The following PPP3CA variants were observed in gnomAD, a reference collection of about 807,000 sequenced individuals.
PPP3CA encodes CAM-PRP catalytic subunit.
PPP3CA carries 14 observed loss-of-function variants against 66.5 expected under a neutral mutation model. That is an observed-to-expected ratio of 0.21 (90% CI 0.14 to 0.33). The LOEUF is 0.33. Ranked by LOEUF, PPP3CA falls within the 10% of genes least tolerant of loss-of-function variation. PPP3CA has a pLI of 1.00. For missense variants in PPP3CA, 317 were observed against 639.5 expected (o/e 0.50, Z 5.44); for synonymous variants, 232 against 226.2 (o/e 1.03, Z -0.23).
intron 10 of PPP3CA, among the ~76,000 whole-genome samples, chr4:101,060,395 G>T (rs1045563026): frequency 4.6e-5 from 7 of 152,066 alleles, no homozygotes; most frequent in African/African-American, 1.7e-4. Flanking sequence ...AGTAAAGTTT[G>T]CTCTTATGCT....
At chr4:101,106,458 A>AGAAAG (rs1560605216) in intron 3 of PPP3CA, among the ~76,000 whole-genome samples, 5 of 32,710 alleles carry the variant, frequency 1.5e-4, no homozygotes, top group Non-Finnish European at 2.3e-4. Flanking sequence ...AGAAAGAGAA[A>AGAAAG]AGAAAAGAAA....
intron 1 of PPP3CA, among the ~76,000 whole-genome samples, chr4:101,205,389 T>C (rs955743454): frequency 6.6e-6 from 1 of 152,140 alleles, no homozygotes; most frequent in South Asian, 2.1e-4. Context: ...CACTCAGAAA[T>C]CCTCAACTCA....
At chr4:101,114,506 T>C (rs969300089) in intron 2 of PPP3CA, among the ~76,000 whole-genome samples, 3 of 152,096 alleles carry the variant, frequency 2.0e-5, no homozygotes, top group African/African-American at 2.4e-5. Context: ...CTTGGTAATT[T>C]CCCTAAGTCG....
chr4:101,116,137 T>C (rs900934125), intron 2 of PPP3CA, among the ~76,000 whole-genome samples: 2 of 151,960 alleles, frequency 1.3e-5, no homozygotes, highest in Non-Finnish European at 2.9e-5. Context: ...AAGACTTGCA[T>C]GAAGTAGAAA....
chr4:101,200,736 T>A (rs191280836), intron 1 of PPP3CA, among the ~76,000 whole-genome samples: 6 of 152,286 alleles, frequency 3.9e-5, no homozygotes, highest in Admixed American at 3.9e-4. Flanking sequence ...TGGTGCTTTC[T>A]GGAGCAAAAC....
intron 2 of PPP3CA, among the ~76,000 whole-genome samples, chr4:101,147,427 T>C (rs1171278422): frequency 6.6e-6 from 1 of 152,076 alleles, no homozygotes; most frequent in Non-Finnish European, 1.5e-5. Context: ...GATCAAAGAA[T>C]TGAAAAGGAT....
intron 3 of PPP3CA, among the ~76,000 whole-genome samples, chr4:101,107,808 T>G (rs1323745265): frequency 1.3e-5 from 2 of 152,236 alleles, no homozygotes; most frequent in Non-Finnish European, 2.9e-5. Flanking sequence ...TGTTTTTCTA[T>G]GATTATTATG....
chr4:101,034,911 T>C (rs1256485689), intron 11 of PPP3CA, among the ~76,000 whole-genome samples: 1 of 152,142 alleles, frequency 6.6e-6, no homozygotes, highest in Non-Finnish European at 1.5e-5. Context: ...AAATATGGCT[T>C]TTGCCTCATG....
At chr4:101,153,215 T>C (rs545921020) in intron 2 of PPP3CA, among the ~76,000 whole-genome samples, 8 of 152,268 alleles carry the variant, frequency 5.3e-5, no homozygotes, top group African/African-American at 1.7e-4. Context: ...CTGACTTGTA[T>C]GTGCAGAAAC....
At chr4:101,289,970 G>C (rs1727971051) in intron 1 of PPP3CA, among the ~76,000 whole-genome samples, 1 of 151,746 alleles carries the variant, frequency 6.6e-6, no homozygotes, top group East Asian at 1.9e-4. Context: ...CATGCTGCTA[G>C]AATGGTGCAA....
intron 1 of PPP3CA, among the ~76,000 whole-genome samples, chr4:101,231,358 T>C (rs765786463): frequency 5.3e-5 from 8 of 151,858 alleles, no homozygotes; most frequent in East Asian, 3.9e-4. Flanking sequence ...AGTCAGACTA[T>C]TTATCAATGA....
At chr4:101,168,596 A>T (rs917503441) in intron 2 of PPP3CA, among the ~76,000 whole-genome samples, 1 of 152,160 alleles carries the variant, frequency 6.6e-6, no homozygotes, top group Admixed American at 6.6e-5. Context: ...AGGACCACAA[A>T]CTAAGGAAAA....
chr4:101,233,881 C>CA (rs1726042381), intron 1 of PPP3CA, among the ~76,000 whole-genome samples: 1 of 151,550 alleles, frequency 6.6e-6, no homozygotes, highest in Non-Finnish European at 1.5e-5. Flanking sequence ...GCGTCATACC[C>CA]AATAGATATT....
intron 2 of PPP3CA, among the ~76,000 whole-genome samples, chr4:101,135,493 C>T (rs1722594091): frequency 6.6e-6 from 1 of 152,118 alleles, no homozygotes; most frequent in Non-Finnish European, 1.5e-5. Flanking sequence ...CGGAGGCTAC[C>T]TGGTCTAAAA....
chr4:101,055,913 A>G (rs183138147), intron 10 of PPP3CA, among the ~76,000 whole-genome samples: 2 of 152,032 alleles, frequency 1.3e-5, no homozygotes, highest in African/African-American at 4.8e-5. Flanking sequence ...GAACAAATTA[A>G]AGCATATTAT....
At position 101,340,697 on chromosome 4, in the gene PPP3CA, T is replaced by C. The variant is rs560938585; in HGVS notation, c.58+6042A>G. ...TAAAGACTTAATTTACAAACTGAAA[T>C]CCTATTTCATTGCCTACATCAGTCC... On this transcript the variant is annotated intron_variant, in intron 1 of 13. Coordinates refer to ENST00000394854, the MANE Select transcript of PPP3CA (RefSeq NM_000944.5). Among the ~76,000 whole-genome samples the C allele has an allele frequency of 2.0e-5, 3 of 152,262 alleles. No homozygotes were observed. In the South Asian group the frequency reaches 6.2e-4, roughly 32 times the overall value.
intron 4 of PPP3CA, 115 bp downstream of exon 4, chr4:101,099,496 G>A (rs1730347426): frequency 2.0e-6 from 1 of 492,020 alleles, no homozygotes; most frequent in Non-Finnish European, 3.5e-6. Context: ...ATGAAAGAGT[G>A]TCACTTTAAG....
chr4:101,162,032 G>A (rs1219884794), intron 2 of PPP3CA, among the ~76,000 whole-genome samples: 1 of 152,164 alleles, frequency 6.6e-6, no homozygotes, highest in Non-Finnish European at 1.5e-5. Flanking sequence ...CTGAGGTCAG[G>A]AGTTCGAAAC....
chr4:101,176,732 G>C (rs1724072406), intron 2 of PPP3CA, among the ~76,000 whole-genome samples: 1 of 151,964 alleles, frequency 6.6e-6, no homozygotes, highest in African/African-American at 2.4e-5. Flanking sequence ...AAATCACAGA[G>C]AACTGTTTAT....
Sources: gnomAD v4.1 joint callset for allele counts (sites outside exome capture counted in the v4.1 genomes callset) on GRCh38, gnomAD v4.1.1 for gene constraint, MANE v1.5 for transcripts, NCBI Gene and HGNC (gene_info 2026-07-23, HGNC 2026-07-21) for gene names.